The following CMIP variants were observed in gnomAD, a reference collection of about 807,000 sequenced individuals.
CMIP encodes c-Maf inducing protein.
In CMIP, 13 loss-of-function variants were observed where a neutral mutation model predicts 97.3. That is an observed-to-expected ratio of 0.13 (90% CI 0.09 to 0.21). The LOEUF (loss-of-function observed/expected upper bound fraction) is 0.21, where lower values mean the gene tolerates loss of function less well. Ranked by LOEUF, CMIP falls within the 10% of genes least tolerant of loss-of-function variation. The pLI is 1.00. For synonymous variants in CMIP, 538 were observed against 436.3 expected, an observed-to-expected ratio of 1.23 and a Z score of -2.91; for missense variants, 847 against 1,024.9, an observed-to-expected ratio of 0.83 and a Z score of 2.37.
chr16:81,539,229 T>C (rs946503869), intron 1 of CMIP, among the ~76,000 whole-genome samples: 1 of 152,182 alleles, frequency 6.6e-6, no homozygotes, highest in African/African-American at 2.4e-5. Flanking sequence ...GGCATCTCAA[T>C]TGCACAGAAA....
At chr16:81,470,266 C>T (rs1042599402) in intron 1 of CMIP, among the ~76,000 whole-genome samples, 1 of 152,232 alleles carries the variant, frequency 6.6e-6, no homozygotes, top group Non-Finnish European at 1.5e-5. Context: ...TGGGAGAGAG[C>T]CCCAGCGGTT....
At chr16:81,506,870 A>G (rs1418298406) in intron 1 of CMIP, among the ~76,000 whole-genome samples, 1 of 145,728 alleles carries the variant, frequency 6.9e-6, no homozygotes, top group African/African-American at 2.6e-5. Flanking sequence ...ACGCCACTCC[A>G]CTCCAGCCTG....
intron 1 of CMIP, among the ~76,000 whole-genome samples, chr16:81,515,162 G>T (rs2089888328): frequency 6.6e-6 from 1 of 152,208 alleles, no homozygotes; most frequent in African/African-American, 2.4e-5. Context: ...AGTTAAACTA[G>T]AAGCATGACT....
chr16:81,553,195 C>T (rs2090693433), intron 1 of CMIP, among the ~76,000 whole-genome samples: 1 of 152,140 alleles, frequency 6.6e-6, no homozygotes, highest in African/African-American at 2.4e-5. Context: ...TGGCCTGCTC[C>T]GTTTCGCAGA....
chr16:81,509,745 G>A (rs1275408458), intron 1 of CMIP, among the ~76,000 whole-genome samples: 1 of 152,296 alleles, frequency 6.6e-6, no homozygotes, highest in East Asian at 1.9e-4. Context: ...GTCTCTTGAG[G>A]CCTACCTGCC....
chr16:81,709,533 G>A (rs72831139), intron 20 of CMIP, among the ~76,000 whole-genome samples: 6 of 152,100 alleles, frequency 3.9e-5, no homozygotes, highest in East Asian at 3.9e-4. Flanking sequence ...TGGGAACCCC[G>A]CTGCCTGGTT....
intron 3 of CMIP, chr16:81,645,713 G>T (rs1297563658): frequency 7.8e-7 from 1 of 1,279,820 alleles, no homozygotes; most frequent in South Asian, 1.3e-5. Flanking sequence ...CTGGCTGGTG[G>T]GGCTTGGGCT....
intron 10 of CMIP, among the ~76,000 whole-genome samples, chr16:81,686,449 C>T (rs1403553490): frequency 6.6e-6 from 1 of 152,234 alleles, no homozygotes; most frequent in Admixed American, 6.5e-5. Flanking sequence ...CAGTCCTCAT[C>T]TGCCTCCCAG....
At chr16:81,485,600 A>G (rs569163244) in intron 1 of CMIP, among the ~76,000 whole-genome samples, 13 of 152,364 alleles carry the variant, frequency 8.5e-5, no homozygotes, top group African/African-American at 2.9e-4. Context: ...CTCAGTGGGA[A>G]CTGATGGCCT....
intron 10 of CMIP, among the ~76,000 whole-genome samples, chr16:81,691,416 G>C (rs1906056755): frequency 6.6e-6 from 1 of 152,178 alleles, no homozygotes; most frequent in Non-Finnish European, 1.5e-5. Context: ...GGGGTGCAGA[G>C]CTTCAGTATA....
chr16:81,550,846 A>T (rs1198651675), intron 1 of CMIP, among the ~76,000 whole-genome samples: 3 of 149,396 alleles, frequency 2.0e-5, no homozygotes, highest in African/African-American at 7.6e-5. Flanking sequence ...CAGTTCCATC[A>T]CACACACCCC....
intron 10 of CMIP, among the ~76,000 whole-genome samples, chr16:81,691,013 A>G (rs981889641): frequency 2.0e-5 from 3 of 152,166 alleles, no homozygotes; most frequent in Non-Finnish European, 2.9e-5. Context: ...AACAGCTTAG[A>G]ATGTTTGTTG....
At position 81,574,139 on chromosome 16, in the gene CMIP, C is replaced by G. The variant is rs115311953; in HGVS notation, c.301-33428C>G. ...TAGCCACCTGTGGCCAGTGCAGATA[C>G]AGAACATTTCCATCATCGTAGTACG... On this transcript the variant is annotated intron_variant, in intron 1 of 20. Coordinates refer to ENST00000537098, the MANE Select transcript of CMIP (RefSeq NM_198390.3). 2.5e-3 allele frequency among the ~76,000 whole-genome samples: 387 copies of G among 152,352 alleles called. 3 individuals are homozygous for G. Among genetic ancestry groups the G allele is most frequent in the African/African-American group, 8.4e-3 (351 of 41,580 alleles).
chr16:81,524,077 T>C (rs2927315), intron 1 of CMIP, among the ~76,000 whole-genome samples: 133,420 of 152,000 alleles, frequency 0.88, 58,740 homozygotes, highest in African/African-American at 0.93. Flanking sequence ...GGCCTCTGCC[T>C]CTTTCACGGG....
intron 10 of CMIP, among the ~76,000 whole-genome samples, chr16:81,682,541 G>A (rs146880571): frequency 2.0e-5 from 3 of 151,950 alleles, no homozygotes; most frequent in Admixed American, 2.0e-4. Flanking sequence ...TTCCATCCTG[G>A]GCAACAAGAG....
intron 19 of CMIP, among the ~76,000 whole-genome samples, chr16:81,705,813 G>C (rs1423879818): frequency 6.6e-6 from 1 of 152,248 alleles, no homozygotes; most frequent in Non-Finnish European, 1.5e-5. Context: ...TAACCTCAGA[G>C]AGCTTATATT....
At chr16:81,667,799 A>AGAGAGAGAGAGAGAGGGTGTGTGT in intron 7 of CMIP, among the ~76,000 whole-genome samples, 2 of 58,096 alleles carry the variant, frequency 3.4e-5, no homozygotes, top group Non-Finnish European at 6.4e-5. Context: ...AGAGAGAGAG[A>AGAGAGAGAGAGAGAGGGTGTGTGT]GTGTGTGTGT....
Position 81,652,987 on chromosome 16 carries a change from G to A in CMIP, c.639+623G>A, listed in dbSNP as rs527414404. 2.0e-5 allele frequency among the ~76,000 whole-genome samples: 3 copies of A among 152,248 alleles called. No individual in the cohort carries two copies. Among genetic ancestry groups the A allele is most frequent in the South Asian group, 4.1e-4 (2 of 4,824 alleles). ...CCTACCCCCCTGGAGCTTGTGTCCC[G>A]GCAGGGGAGACAGGCAGTGAACAAT... On this transcript the variant is annotated intron_variant, in intron 4 of 20. Coordinates refer to ENST00000537098, the MANE Select transcript of CMIP (RefSeq NM_198390.3). The surrounding 1 kb of genome is among the most constrained non-coding windows in gnomAD (Gnocchi z 5.2).
chr16:81,573,693 T>C (rs770864443), intron 1 of CMIP, among the ~76,000 whole-genome samples: 1 of 152,224 alleles, frequency 6.6e-6, no homozygotes, highest in Non-Finnish European at 1.5e-5. Context: ...AGGGTGTTGC[T>C]GAGAGAAGGG....
Sources: gnomAD v4.1 joint callset for allele counts (sites outside exome capture counted in the v4.1 genomes callset) on GRCh38, gnomAD v4.1.1 for gene constraint, Gnocchi (gnomAD v3.1) non-coding constraint, MANE v1.5 for transcripts, NCBI Gene and HGNC (gene_info 2026-07-23, HGNC 2026-07-21) for gene names.